The following CCNY variants were observed in gnomAD, a reference collection of about 807,000 sequenced individuals.
CCNY encodes the protein cyclin Y.
In CCNY, 19 loss-of-function variants were observed where a neutral mutation model predicts 42.8. The ratio of observed to expected loss-of-function variants is 0.44; its 90% confidence interval spans 0.31 to 0.65. The LOEUF is 0.65. Ranked by LOEUF, CCNY falls within the 30% of genes least tolerant of loss-of-function variation. CCNY has a pLI of 0.07. For synonymous variants in CCNY, 165 were observed against 162.7 expected (o/e 1.01, Z -0.11); for missense variants, 370 against 437.3 (o/e 0.85, Z 1.37).
chr10:35,344,682 G>A (rs1266643754), intron 1 of CCNY, among the ~76,000 whole-genome samples: 2 of 151,800 alleles, frequency 1.3e-5, no homozygotes, highest in Admixed American at 6.6e-5. Flanking sequence ...CCATTAACTC[G>A]TCATTTAACA....
intron 1 of CCNY, among the ~76,000 whole-genome samples, chr10:35,445,698 G>A (rs996014633): frequency 1.3e-5 from 2 of 152,132 alleles, no homozygotes; most frequent in African/African-American, 4.8e-5. Flanking sequence ...CAGAGGGAAG[G>A]AGGGGTGGAG....
intron 1 of CCNY, among the ~76,000 whole-genome samples, chr10:35,474,771 C>T (rs1405254203): frequency 2.0e-5 from 3 of 152,210 alleles, no homozygotes; most frequent in Non-Finnish European, 4.4e-5. Context: ...CAGCTCCTCA[C>T]CAGCAACGGA....
At chr10:35,413,215 C>T (rs1221389999) in intron 1 of CCNY, among the ~76,000 whole-genome samples, 1 of 151,946 alleles carries the variant, frequency 6.6e-6, no homozygotes, top group African/African-American at 2.4e-5. Flanking sequence ...TGGTGAAGGT[C>T]TGAAGGAAGG....
chr10:35,402,036 T>G (rs1004085330), intron 1 of CCNY, among the ~76,000 whole-genome samples: 1 of 152,100 alleles, frequency 6.6e-6, no homozygotes, highest in African/African-American at 2.4e-5. Context: ...CTTCTTATAT[T>G]AATAAGAAAA....
intron 3 of CCNY, among the ~76,000 whole-genome samples, chr10:35,300,618 T>G (rs1835522864): frequency 6.6e-6 from 1 of 152,180 alleles, no homozygotes; most frequent in East Asian, 1.9e-4. Context: ...TTTTTATGTA[T>G]CATTGCCACA....
At chr10:35,490,829 G>A (rs1293582396) in intron 2 of CCNY, among the ~76,000 whole-genome samples, 5 of 152,140 alleles carry the variant, frequency 3.3e-5, no homozygotes, top group Non-Finnish European at 1.5e-5. Context: ...GTCAGTGCAG[G>A]CCTCAGCTCA....
chr10:35,249,614 T>G (rs1437954990), intron 2 of CCNY, among the ~76,000 whole-genome samples: 1 of 152,218 alleles, frequency 6.6e-6, no homozygotes, highest in Admixed American at 6.5e-5. Flanking sequence ...TTCTGGAATG[T>G]TCTGCAGAAA....
At chr10:35,503,284 CAG>C (rs1840148427) in intron 3 of CCNY, among the ~76,000 whole-genome samples, 1 of 152,328 alleles carries the variant, frequency 6.6e-6, no homozygotes, top group African/African-American at 2.4e-5. Flanking sequence ...TCTGCTGACA[CAG>C]AGTGAAATCA....
chr10:35,255,256 C>A (rs1215180151), intron 3 of CCNY, among the ~76,000 whole-genome samples: 2 of 151,994 alleles, frequency 1.3e-5, no homozygotes, highest in African/African-American at 4.8e-5. Context: ...TTTCTCCCTT[C>A]AAGTCTATTA....
intron 1 of CCNY, among the ~76,000 whole-genome samples, chr10:35,414,414 A>G (rs1040753192): frequency 4.6e-5 from 7 of 152,086 alleles, no homozygotes; most frequent in Non-Finnish European, 8.8e-5. Context: ...GGGTTTTTCC[A>G]CCATGGGAGT....
intron 3 of CCNY, among the ~76,000 whole-genome samples, chr10:35,320,407 T>C (rs1344910300): frequency 1.3e-5 from 2 of 152,106 alleles, no homozygotes; most frequent in African/African-American, 2.4e-5. Flanking sequence ...ATAACAAAAT[T>C]CGCCATCCAT....
chr10:35,260,504 G>C (rs925495237), intron 3 of CCNY, among the ~76,000 whole-genome samples: 2 of 152,192 alleles, frequency 1.3e-5, no homozygotes, highest in African/African-American at 4.8e-5. Flanking sequence ...AAAGCATCCA[G>C]TTGGCAAACT....
chr10:35,489,035 T>A (rs1589154715), intron 2 of CCNY, among the ~76,000 whole-genome samples: 2 of 152,126 alleles, frequency 1.3e-5, no homozygotes, highest in South Asian at 4.1e-4. Context: ...ATCCCAGCAC[T>A]TTGGGAGGCT....
At chr10:35,342,840 C>T (rs546971850) in intron 1 of CCNY, among the ~76,000 whole-genome samples, 1 of 152,218 alleles carries the variant, frequency 6.6e-6, no homozygotes, top group South Asian at 2.1e-4. Flanking sequence ...CTCCATGCCT[C>T]AACTGCCCTG....
intron 2 of CCNY, among the ~76,000 whole-genome samples, chr10:35,495,530 A>G (rs565996882): frequency 1.1e-4 from 16 of 152,156 alleles, no homozygotes; most frequent in African/African-American, 3.6e-4. Context: ...AAATGTTTCT[A>G]TGTCTTTTCA....
intron 7 of CCNY, among the ~76,000 whole-genome samples, chr10:35,535,029 GTGTA>G (rs1383421351): frequency 5.0e-5 from 6 of 120,312 alleles, no homozygotes; most frequent in African/African-American, 8.8e-5. Flanking sequence ...GTGTGTGTGT[GTGTA>G]TGTATATATA....
chr10:35,434,906 A>G (rs983614190), intron 1 of CCNY, among the ~76,000 whole-genome samples: 1 of 151,986 alleles, frequency 6.6e-6, no homozygotes, highest in East Asian at 1.9e-4. Context: ...CTTTCTTTCT[A>G]CTTAATGTAT....
intron 3 of CCNY, among the ~76,000 whole-genome samples, chr10:35,259,242 T>A (rs2095717654): frequency 6.6e-6 from 1 of 152,148 alleles, no homozygotes; most frequent in Admixed American, 6.6e-5. Flanking sequence ...CTTTAAATCT[T>A]GTTATTTTTC....
At chr10:35,521,495 C>T (rs1840545490) in intron 4 of CCNY, among the ~76,000 whole-genome samples, 1 of 152,180 alleles carries the variant, frequency 6.6e-6, no homozygotes, top group Non-Finnish European at 1.5e-5. Flanking sequence ...TAAAGGAGGC[C>T]TTAGGCACTT....
Sources: allele counts gnomAD v4.1 joint callset (sites outside exome capture counted in the v4.1 genomes callset), GRCh38; gene constraint gnomAD v4.1.1; transcripts MANE v1.5; gene names NCBI Gene and HGNC (gene_info 2026-07-23, HGNC 2026-07-21).